NALCN: variants seen among roughly 807,000 people sequenced by gnomAD.
NALCN encodes the protein sodium leak channel NALCN.
A neutral mutation model predicts 225.3 loss-of-function variants in NALCN; 111 were observed. The ratio of observed to expected loss-of-function variants is 0.49; its 90% confidence interval spans 0.42 to 0.58. The LOEUF (loss-of-function observed/expected upper bound fraction) is 0.58, where lower values mean the gene tolerates loss of function less well. NALCN is among the 20% of genes least tolerant of loss of function. The probability of loss-of-function intolerance (pLI) is 0.00; values close to 1 mark genes in which losing one functional copy is unlikely to be tolerated. For synonymous variants in NALCN, 764 were observed against 769.0 expected, an observed-to-expected ratio of 0.99 and a Z score of 0.11; for missense variants, 1,378 against 2,202.4, an observed-to-expected ratio of 0.63 and a Z score of 7.49.
At chr13:101,291,402 G>T (rs1203739026) in intron 9 of NALCN, among the ~76,000 whole-genome samples, 1 of 152,128 alleles carries the variant, frequency 6.6e-6, no homozygotes, top group Non-Finnish European at 1.5e-5. Flanking sequence ...AGAATCAAAG[G>T]TATGTAATAA....
intron 6 of NALCN, among the ~76,000 whole-genome samples, chr13:101,350,217 T>A (rs951358706): frequency 6.6e-6 from 1 of 152,122 alleles, no homozygotes; most frequent in African/African-American, 2.4e-5. Context: ...GTCTGCAAGA[T>A]ACTGAAGGAT....
At position 101,191,028 on chromosome 13, in the gene NALCN, T is replaced by C. The variant is rs538196336; in HGVS notation, c.1764+889A>G. ...TTTATCATCTGTTAACTGGGAATACTATCTAATCGGGTGTTCCAAAGATTA... is the reference window on the plus strand; with the variant it reads ...TTTATCATCTGTTAACTGGGAATACCATCTAATCGGGTGTTCCAAAGATTA... On this transcript the variant is annotated intron_variant, in intron 14 of 43. Transcript: ENST00000251127. Among the ~76,000 whole-genome samples the C allele has an allele frequency of 2.6e-5, 4 of 152,340 alleles. No homozygotes were observed. The South Asian group carries it at 6.2e-4, about 24-fold the overall frequency.
intron 15 of NALCN, among the ~76,000 whole-genome samples, chr13:101,175,896 T>G (rs1260387721): frequency 6.6e-6 from 1 of 152,218 alleles, no homozygotes; most frequent in Non-Finnish European, 1.5e-5. Flanking sequence ...TAAATTGTCC[T>G]TTAGTGTCTA....
At chr13:101,094,755 A>G (rs1480132077) in intron 28 of NALCN, among the ~76,000 whole-genome samples, 1 of 152,188 alleles carries the variant, frequency 6.6e-6, no homozygotes, top group African/African-American at 2.4e-5. Context: ...TGCCAAAGAG[A>G]GGTAACAGTG....
At chr13:101,324,216 T>C (rs72654851) in intron 7 of NALCN, among the ~76,000 whole-genome samples, 6,728 of 152,256 alleles carry the variant, frequency 0.044, 209 homozygotes, top group Middle Eastern at 0.075. Flanking sequence ...TCAACTGGCT[T>C]GTAGAAGAGT....
At chr13:101,087,931 T>C (rs776985887) in intron 30 of NALCN, among the ~76,000 whole-genome samples, 1 of 152,208 alleles carries the variant, frequency 6.6e-6, no homozygotes, top group Non-Finnish European at 1.5e-5. Flanking sequence ...CTCCTGTTAA[T>C]TGACTGATTA....
At chr13:101,321,039 T>G (rs545559238) in intron 7 of NALCN, among the ~76,000 whole-genome samples, 1 of 148,128 alleles carries the variant, frequency 6.8e-6, no homozygotes, top group South Asian at 2.2e-4. Context: ...AAGTCATTCT[T>G]GATTCTCTAT....
chr13:101,174,388 GCC>G (rs2038873894), intron 15 of NALCN, among the ~76,000 whole-genome samples: 1 of 152,032 alleles, frequency 6.6e-6, no homozygotes, highest in Non-Finnish European at 1.5e-5. Context: ...GTGATTAAAA[GCC>G]ATTTTATAAA....
At chr13:101,393,113 A>G (rs2047190559) in intron 3 of NALCN, among the ~76,000 whole-genome samples, 1 of 152,208 alleles carries the variant, frequency 6.6e-6, no homozygotes, top group Admixed American at 6.5e-5. Context: ...AACAATTGCA[A>G]CTTATATCAC....
intron 11 of NALCN, among the ~76,000 whole-genome samples, chr13:101,256,573 C>G (rs1415980906): frequency 2.0e-5 from 3 of 152,182 alleles, no homozygotes; most frequent in East Asian, 3.9e-4. Context: ...TTTGCCTAAC[C>G]CCAGGCACCT....
At chr13:101,403,789 C>T (rs2047543854) in intron 1 of NALCN, among the ~76,000 whole-genome samples, 1 of 152,196 alleles carries the variant, frequency 6.6e-6, no homozygotes, top group African/African-American at 2.4e-5. Context: ...GACACAGACA[C>T]ACACATACAC....
At chr13:101,153,604 C>G (rs560418590) in intron 15 of NALCN, among the ~76,000 whole-genome samples, 1 of 152,304 alleles carries the variant, frequency 6.6e-6, no homozygotes, top group South Asian at 2.1e-4. Context: ...TCCCACCCCT[C>G]TTCCAGCCTC....
At chr13:101,223,651 A>G (rs1210430636) in intron 13 of NALCN, among the ~76,000 whole-genome samples, 1 of 152,128 alleles carries the variant, frequency 6.6e-6, no homozygotes, top group Non-Finnish European at 1.5e-5. Context: ...ATGGCATTCT[A>G]AAAAACACCC....
At chr13:101,281,637 AT>A (rs796094345) in intron 10 of NALCN, among the ~76,000 whole-genome samples, 2 of 152,272 alleles carry the variant, frequency 1.3e-5, no homozygotes, top group East Asian at 3.9e-4. Context: ...ATTGCCCTCC[AT>A]TTTTTTAAAC....
At chr13:101,390,339 AGGAGTGAAATACAGG>A (rs1423672623) in intron 3 of NALCN, among the ~76,000 whole-genome samples, 6 of 152,116 alleles carry the variant, frequency 3.9e-5, no homozygotes, top group Non-Finnish European at 8.8e-5. Flanking sequence ...TTTGAGAAAG[AGGAGTGAAATACAGG>A]GGACAGAGGA....
intron 14 of NALCN, chr13:101,181,298 C>T (rs751066370): frequency 1.0e-4 from 53 of 518,728 alleles, no homozygotes; most frequent in South Asian, 3.5e-4. Context: ...GATGGACAGG[C>T]GTCTTGAGTG....
At position 101,198,541 on chromosome 13, in the gene NALCN, T is replaced by C. The variant is rs192506378; in HGVS notation, c.1627-6487A>G. Among the ~76,000 whole-genome samples, 791 of 152,254 alleles carry C rather than the reference T, an allele frequency of 5.2e-3. 4 individuals carry two copies. The highest frequency in any genetic ancestry group is 8.8e-3 in the Non-Finnish European group (596 of 68,010). On this transcript the variant is annotated intron_variant, in intron 13 of 43. Coordinates refer to ENST00000251127, the MANE Select transcript of NALCN (RefSeq NM_052867.4). The stretch of plus-strand genomic sequence containing the variant: ...TGCAGCCAACAGACACATGAAAAAA[T>C]GCTCATCATCACTGGCCATCAGAGA...
intron 7 of NALCN, among the ~76,000 whole-genome samples, chr13:101,312,002 G>A (rs1212278778): frequency 6.6e-6 from 1 of 151,658 alleles, no homozygotes; most frequent in Admixed American, 6.6e-5. Context: ...GACTTTTTTT[G>A]GTTGGTAAGC....
chr13:101,250,565 G>GA (rs201973782), intron 11 of NALCN, among the ~76,000 whole-genome samples: 1,774 of 151,988 alleles, frequency 0.012, 34 homozygotes, highest in African/African-American at 0.041. Flanking sequence ...TATATATGGG[G>GA]AAAAAATCAA....
Sources: allele counts gnomAD v4.1 joint callset (sites outside exome capture counted in the v4.1 genomes callset), GRCh38; gene constraint gnomAD v4.1.1; transcripts MANE v1.5; gene names NCBI Gene and HGNC (gene_info 2026-07-23, HGNC 2026-07-21).